Variants in LRRFIP1 observed in about 807,000 individuals in gnomAD.
The protein encoded by LRRFIP1 is LRR binding FLII interacting protein 1, also known as leucine-rich repeat flightless-interacting protein 1.
LRRFIP1 carries 62 observed loss-of-function variants against 104.4 expected under a neutral mutation model. The ratio of observed to expected loss-of-function variants is 0.59; its 90% CI spans 0.48 to 0.73. LRRFIP1 has a LOEUF of 0.73. LRRFIP1 is among the 30% of genes least tolerant of loss of function. The pLI, the probability that LRRFIP1 is intolerant of heterozygous loss-of-function variation, is 0.00. For synonymous variants in LRRFIP1, 300 were observed against 299.0 expected, an observed-to-expected ratio of 1.00 and a Z score of -0.03; for missense variants, 796 against 824.5, an observed-to-expected ratio of 0.97 and a Z score of 0.42.
chr2:237,728,469 G>C (rs1277889463), intron 8 of LRRFIP1, among the ~76,000 whole-genome samples: 1 of 151,584 alleles, frequency 6.6e-6, no homozygotes, highest in Non-Finnish European at 1.5e-5. Context: ...GGAAGGAAAG[G>C]GTGCTGCTCT....
chr2:237,733,835 C>G lies in LRRFIP1; in HGVS notation c.489+17C>G, dbSNP rs779577173. 48 of 1,613,634 alleles carry G rather than the reference C, an allele frequency of 3.0e-5. No homozygotes were observed. The highest frequency in any genetic ancestry group is 3.6e-5 in the Non-Finnish European group (43 of 1,179,708). ...AGTTACCGGGTGCGTGTGCTGCCCA[C>G]CCTGCTGCCCCGCACCCCCTCCCAC... On this transcript the variant is annotated intron_variant, in intron 9 of 23. Transcript: ENST00000308482.
intron 14 of LRRFIP1, 73 bp from the exon 15 acceptor site, chr2:237,753,236 T>TA: frequency 1.7e-6 from 2 of 1,208,652 alleles, no homozygotes; most frequent in Non-Finnish European, 1.1e-6. Context: ...GGTTTTTTTT[T>TA]AACAGAATAC....
chr2:237,762,323 A>AAACTTAACGTCACC, intron 19 of LRRFIP1, among the ~76,000 whole-genome samples: 1 of 152,304 alleles, frequency 6.6e-6, no homozygotes, highest in East Asian at 1.9e-4. Context: ...CTATTTGTTG[A>AAACTTAACGTCACC]AACTTAACGT....
intron 1 of LRRFIP1, among the ~76,000 whole-genome samples, chr2:237,643,780 T>C (rs1414484849): frequency 1.3e-5 from 2 of 152,002 alleles, no homozygotes; most frequent in Non-Finnish European, 2.9e-5. Context: ...TTAGCTTGAC[T>C]TCACATAACA....
chr2:237,673,642 C>A (rs773906174), intron 1 of LRRFIP1, among the ~76,000 whole-genome samples: 1 of 152,208 alleles, frequency 6.6e-6, no homozygotes, highest in South Asian at 2.1e-4. Flanking sequence ...GGCGGAGGCC[C>A]TGGGTCCGTG....
At chr2:237,771,690 C>T (rs1366860695) in intron 20 of LRRFIP1, among the ~76,000 whole-genome samples, 1 of 152,052 alleles carries the variant, frequency 6.6e-6, no homozygotes, top group Non-Finnish European at 1.5e-5. Flanking sequence ...GGCCTGGACG[C>T]TGAGAAAGCA....
intron 19 of LRRFIP1, among the ~76,000 whole-genome samples, chr2:237,760,636 A>G (rs914823270): frequency 2.0e-5 from 3 of 152,234 alleles, no homozygotes; most frequent in Non-Finnish European, 2.9e-5. Context: ...TCAGTTGGCC[A>G]TATTTGCAAG....
chr2:237,745,830 T>C (rs2057771730), intron 11 of LRRFIP1, among the ~76,000 whole-genome samples: 2 of 152,174 alleles, frequency 1.3e-5, no homozygotes, highest in South Asian at 4.1e-4. Flanking sequence ...GCCACAGGCT[T>C]TTCAGTGGTA....
intron 1 of LRRFIP1, chr2:237,692,363 A>G (rs977286462): frequency 7.7e-7 from 1 of 1,297,800 alleles, no homozygotes; most frequent in Non-Finnish European, 9.8e-7. Context: ...GTCTCCGCGG[A>G]CAGAGCGCGC....
At chr2:237,710,323 G>A (rs1359657298) in intron 2 of LRRFIP1, among the ~76,000 whole-genome samples, 7 of 150,270 alleles carry the variant, frequency 4.7e-5, no homozygotes, top group South Asian at 2.1e-4. Flanking sequence ...TTGCTTTGTC[G>A]CCCAGGCTGG....
chr2:237,779,305 C>G, intron 23 of LRRFIP1, 117 bp from the exon 24 acceptor site: 1 of 1,431,214 alleles, frequency 7.0e-7, no homozygotes, highest in South Asian at 1.4e-5. Flanking sequence ...CATGAGGGAC[C>G]AGGGGCCAAG....
chr2:237,672,857 T>C (rs2090554302), intron 1 of LRRFIP1, among the ~76,000 whole-genome samples: 1 of 152,230 alleles, frequency 6.6e-6, no homozygotes, highest in East Asian at 1.9e-4. Flanking sequence ...ACCTCTCAAT[T>C]TGAGTCATCT....
chr2:237,775,449 G>C (rs2061001674), intron 23 of LRRFIP1, among the ~76,000 whole-genome samples: 1 of 152,220 alleles, frequency 6.6e-6, no homozygotes, highest in African/African-American at 2.4e-5. Flanking sequence ...TGGAGGCCAT[G>C]GACAGGACTT....
intron 1 of LRRFIP1, among the ~76,000 whole-genome samples, chr2:237,668,484 G>A (rs902051684): frequency 5.9e-5 from 9 of 152,046 alleles, no homozygotes; most frequent in Admixed American, 2.6e-4. Flanking sequence ...CATAGCTTCC[G>A]GGATACATTT....
rs1477575861 is a variant in LRRFIP1, at chr2:237,675,239, GCC to G, written c.97-33304_97-33303del. On this transcript the variant is annotated intron_variant, in intron 1 of 23. Coordinates refer to ENST00000308482, the MANE Select transcript of LRRFIP1 (RefSeq NM_001137550.2). ...TGAGATGACGCCTCTGTGGTATGAG[GCC>G]TCCTTTGCTTTTTCGGCCAAGCAAC... Among the ~76,000 whole-genome samples the G allele has an allele frequency of 2.0e-5, 3 of 152,162 alleles. No individual in the cohort carries two copies. In the East Asian group the frequency reaches 5.8e-4, roughly 29 times the overall value.
intron 16 of LRRFIP1, among the ~76,000 whole-genome samples, chr2:237,757,070 G>A (rs2059347191): frequency 6.6e-6 from 1 of 151,596 alleles, no homozygotes; most frequent in South Asian, 2.1e-4. Flanking sequence ...CTTGATTTTA[G>A]CCCATAAGAC....
At chr2:237,739,339 T>G (rs1576072933) in intron 11 of LRRFIP1, 30 bp downstream of exon 11, 1 of 1,536,692 alleles carries the variant, frequency 6.5e-7, no homozygotes, top group East Asian at 2.4e-5. Flanking sequence ...TTGCTCCTAC[T>G]CAGTGTCACC....
chr2:237,767,724 G>A (rs2060332187), intron 19 of LRRFIP1, among the ~76,000 whole-genome samples: 1 of 152,146 alleles, frequency 6.6e-6, no homozygotes, highest in Non-Finnish European at 1.5e-5. Context: ...AGTTTAGATG[G>A]TTTGGGGCTC....
chr2:237,718,235 A>G (rs1242991840), intron 4 of LRRFIP1, among the ~76,000 whole-genome samples: 1 of 152,250 alleles, frequency 6.6e-6, no homozygotes, highest in East Asian at 1.9e-4. Flanking sequence ...TGAGAGGTAC[A>G]TTATGCTCCA....
Sources: allele counts gnomAD v4.1 joint callset (sites outside exome capture counted in the v4.1 genomes callset), GRCh38; gene constraint gnomAD v4.1.1; transcripts MANE v1.5; gene names NCBI Gene and HGNC (gene_info 2026-07-23, HGNC 2026-07-21).